Variants in SIDT1 observed in about 807,000 individuals in gnomAD.
SIDT1 encodes SID1 transmembrane family, member 1.
SIDT1 carries 101 observed loss-of-function variants against 107.5 expected under a neutral mutation model. The observed-to-expected ratio is 0.94, with a 90% confidence interval of 0.80 to 1.11. The LOEUF (loss-of-function observed/expected upper bound fraction) is 1.11, where lower values mean the gene tolerates loss of function less well. Ranked by LOEUF, SIDT1 falls within the 50% of genes least tolerant of loss-of-function variation. The probability of loss-of-function intolerance (pLI) is 0.00; values close to 1 mark genes in which losing one functional copy is unlikely to be tolerated. For synonymous variants in SIDT1, 395 were observed against 398.2 expected (o/e 0.99, Z 0.10); for missense variants, 1,076 against 1,058.2 (o/e 1.02, Z -0.23).
intron 15 of SIDT1, among the ~76,000 whole-genome samples, chr3:113,607,729 G>A (rs944464930): frequency 5.3e-5 from 8 of 152,142 alleles, no homozygotes; most frequent in Admixed American, 2.6e-4. Flanking sequence ...TGACACACAC[G>A]GGTCCACCTG....
chr3:113,593,535 C>T (rs1487995568), intron 10 of SIDT1, among the ~76,000 whole-genome samples: 2 of 152,182 alleles, frequency 1.3e-5, no homozygotes, highest in Non-Finnish European at 2.9e-5. Flanking sequence ...ATGTTGGAGA[C>T]TGCTGCTGTA....
chr3:113,633,047 T>C (rs887967507), downstream of SIDT1: 2 of 152,220 alleles, frequency 1.3e-5, no homozygotes, highest in African/African-American at 4.8e-5. Context: ...CAAGTAATTG[T>C]CAGCAATGTT....
the SIDT1 span, among the ~76,000 whole-genome samples, chr3:113,636,318 G>A: frequency 1.3e-4 from 20 of 152,088 alleles, no homozygotes; most frequent in Non-Finnish European, 2.4e-4. Flanking sequence ...CAGGAGAATC[G>A]CTTGAACCCA....
At chr3:113,569,138 C>CA (rs780715523) in intron 3 of SIDT1, among the ~76,000 whole-genome samples, 1,236 of 54,912 alleles carry the variant, frequency 0.023, 25 homozygotes, top group Non-Finnish European at 0.03. Context: ...GACTCCCTCT[C>CA]AAAAAAAAAA....
chr3:113,592,666 C>T (rs1468165106), intron 9 of SIDT1: 2 of 272,582 alleles, frequency 7.3e-6, no homozygotes, highest in Non-Finnish European at 1.4e-5. Context: ...CAGCTCACTG[C>T]AACCTCCACC....
intron 4 of SIDT1, among the ~76,000 whole-genome samples, chr3:113,579,605 G>A (rs1429791969): frequency 6.6e-6 from 1 of 152,132 alleles, no homozygotes; most frequent in Non-Finnish European, 1.5e-5. Flanking sequence ...TTCCCCATCA[G>A]AAAGCTTTGG....
intron 1 of SIDT1, among the ~76,000 whole-genome samples, chr3:113,563,335 A>C (rs1456577545): frequency 7.1e-6 from 1 of 140,990 alleles, no homozygotes; most frequent in Non-Finnish European, 1.5e-5. Flanking sequence ...CAAACGGATT[A>C]GAGGTTTAAA....
chr3:113,633,298 G>A (rs1947105019), downstream of SIDT1, among the ~76,000 whole-genome samples: 1 of 152,166 alleles, frequency 6.6e-6, no homozygotes, highest in Non-Finnish European at 1.5e-5. Context: ...TGACTTTGAA[G>A]AAATAGGCTT....
At position 113,598,535 on chromosome 3, in the gene SIDT1, A is replaced by G. The variant is rs547718877; in HGVS notation, c.1046-3053A>G. Reference sequence around the variant, plus strand: ...GTAACATCAAAACATCATGTTGTACATCTTAATATATACAATTAAAAAATC... The same window carrying G: ...GTAACATCAAAACATCATGTTGTACGTCTTAATATATACAATTAAAAAATC... On this transcript the variant is annotated intron_variant, in intron 10 of 24. Transcript: ENST00000264852. 2.4e-3 allele frequency among the ~76,000 whole-genome samples: 366 copies of G among 152,332 alleles called. 2 individuals are homozygous for G. The highest frequency in any genetic ancestry group is 5.4e-3 in the South Asian group (26 of 4,826).
intron 23 of SIDT1, among the ~76,000 whole-genome samples, chr3:113,625,282 G>T (rs368658145): frequency 6.6e-6 from 1 of 151,822 alleles, no homozygotes; most frequent in African/African-American, 2.4e-5. Flanking sequence ...GACTACAGGC[G>T]CCCACCACCG....
At position 113,617,840 on chromosome 3, in the gene SIDT1, C is replaced by G. The variant is rs78401647; in HGVS notation, c.2043+1664C>G. On this transcript the variant is annotated intron_variant, in intron 20 of 24. Coordinates refer to ENST00000264852, the MANE Select transcript of SIDT1 (RefSeq NM_017699.3). The stretch of plus-strand genomic sequence containing the variant: ...GAAATTTCCCATATACCCTCTGCCC[C>G]CAACTCCCCACATGCACAGCCTCCC... 5.4e-3 allele frequency among the ~76,000 whole-genome samples: 823 copies of G among 152,258 alleles called. 13 individuals are homozygous for G. The highest frequency in any genetic ancestry group is 0.032 in the Admixed American group (490 of 15,298).
At chr3:113,615,068 T>C in intron 19 of SIDT1, 1 of 1,535,736 alleles carries the variant, frequency 6.5e-7, no homozygotes. Flanking sequence ...TTCAGATGTG[T>C]CTGACACAGG....
At position 113,603,903 on chromosome 3, in the gene SIDT1, T is replaced by A. The variant is rs919349622; in HGVS notation, c.1264-57T>A. 5.4e-6 allele frequency: 6 copies of A among 1,121,364 alleles called. No homozygotes were observed. In the African/African-American group the frequency reaches 9.4e-5, roughly 18 times the overall value. The allele number at this position is 1,121,364 out of a possible 1,614,324, so 69.5% of individuals were successfully genotyped here. On this transcript the variant is annotated intron_variant, in intron 12 of 24. Coordinates refer to ENST00000264852, the MANE Select transcript of SIDT1 (RefSeq NM_017699.3). ...GACATTTGTTATGTTTGCCTTTGTA[T>A]CTCATGCATAAAGAGCTGAGTACAG... is the stretch of plus-strand genomic sequence containing the variant.
intron 3 of SIDT1, among the ~76,000 whole-genome samples, chr3:113,574,642 G>T (rs536278153): frequency 6.7e-6 from 1 of 149,802 alleles, no homozygotes; most frequent in South Asian, 2.1e-4. Flanking sequence ...CTCTACCCCC[G>T]ACCCATGGGC....
In SIDT1 at chr3:113,607,150, A is replaced by T. The variant is rs747570340; in HGVS notation, c.1478+36A>T. ...TCCTCTGGTTGCCCATGAGGCATTT[A>T]GAGATGCCTTTCTGTCTAATGTTGT... On this transcript the variant is annotated intron_variant, in intron 15 of 24. Transcript: ENST00000264852. 17 of 1,311,372 alleles carry T rather than the reference A, an allele frequency of 1.3e-5. 1 individual carries two copies. The Admixed American group carries it at 2.8e-4, about 21-fold the overall frequency. The allele number at this position is 1,311,372 out of a possible 1,614,324, so 81.2% of individuals were successfully genotyped here. A position where few individuals can be genotyped will look rare whatever the true frequency, so the allele number is the denominator to read the frequency against.
intron 9 of SIDT1, among the ~76,000 whole-genome samples, chr3:113,590,651 T>C (rs1388475829): frequency 6.6e-6 from 1 of 152,218 alleles, no homozygotes; most frequent in Non-Finnish European, 1.5e-5. Flanking sequence ...AAATCATTTG[T>C]ATTTCTCTAC....
intron 10 of SIDT1, among the ~76,000 whole-genome samples, chr3:113,598,204 G>A (rs1483741391): frequency 6.6e-6 from 1 of 152,240 alleles, no homozygotes; most frequent in African/African-American, 2.4e-5. Flanking sequence ...ATCATGCTCA[G>A]TGATGAGCCA....
At chr3:113,572,227 T>C (rs1942525280) in intron 3 of SIDT1, among the ~76,000 whole-genome samples, 1 of 152,180 alleles carries the variant, frequency 6.6e-6, no homozygotes, top group South Asian at 2.1e-4. Context: ...ATAACTTCAC[T>C]TTGGGACAGG....
rs1946634020 is a variant in SIDT1 at position 113,623,606 on chromosome 3, T to G, written c.2197-17T>G. ...AGGCGGGGTCGCGTGAGGCCGCATC[T>G]GCTTCTCCTCCCACAGCTCCGCAGC... On this transcript the variant is annotated splice_polypyrimidine_tract_variant and intron_variant, in intron 22 of 24. Transcript: ENST00000264852. 6.2e-7 allele frequency: 1 copy of G among 1,608,458 alleles called. No homozygotes were observed. The highest frequency in any genetic ancestry group is 8.5e-7 in the Non-Finnish European group (1 of 1,175,038).
Sources: gnomAD v4.1 joint callset for allele counts (sites outside exome capture counted in the v4.1 genomes callset) on GRCh38, gnomAD v4.1.1 for gene constraint, MANE v1.5 for transcripts, NCBI Gene and HGNC (gene_info 2026-07-23, HGNC 2026-07-21) for gene names.